The following EPHA3 variants were observed in gnomAD, a reference collection of about 807,000 sequenced individuals.
EPHA3 encodes the protein EPH receptor A3, also known as ephrin type-A receptor 3.
A neutral mutation model predicts 107.1 loss-of-function variants in EPHA3; 42 were observed. That is an observed-to-expected ratio of 0.39 (90% CI 0.31 to 0.51). The LOEUF (loss-of-function observed/expected upper bound fraction) is 0.51, where lower values mean the gene tolerates loss of function less well. Ranked by LOEUF, EPHA3 falls within the 20% of genes least tolerant of loss-of-function variation. The pLI is 0.78. For synonymous variants in EPHA3, 461 were observed against 424.8 expected, an observed-to-expected ratio of 1.09 and a Z score of -1.05; for missense variants, 1,183 against 1,211.2, an observed-to-expected ratio of 0.98 and a Z score of 0.35.
chr3:89,143,035 A>T (rs1398643302), intron 2 of EPHA3, among the ~76,000 whole-genome samples: 1 of 151,238 alleles, frequency 6.6e-6, no homozygotes, highest in African/African-American at 2.4e-5. Context: ...AATATTATTT[A>T]TAGAATATTC....
At chr3:89,271,847 G>T (rs371161686) in intron 3 of EPHA3, among the ~76,000 whole-genome samples, 2 of 151,766 alleles carry the variant, frequency 1.3e-5, no homozygotes, top group Non-Finnish European at 2.9e-5. Flanking sequence ...TGAACTTCAC[G>T]GTTTCACTTA....
intron 3 of EPHA3, among the ~76,000 whole-genome samples, chr3:89,317,976 T>TA (rs1330202744): frequency 2.6e-5 from 4 of 151,820 alleles, no homozygotes; most frequent in Non-Finnish European, 5.9e-5. Context: ...GGAATATATA[T>TA]AATATTGCAC....
intron 2 of EPHA3, among the ~76,000 whole-genome samples, chr3:89,209,099 A>C (rs1706199142): frequency 6.6e-6 from 1 of 152,198 alleles, no homozygotes; most frequent in Non-Finnish European, 1.5e-5. Context: ...AAAGGTTTTT[A>C]CAGTGATAAA....
At chr3:89,203,494 C>G (rs1434434570) in intron 2 of EPHA3, among the ~76,000 whole-genome samples, 2 of 152,034 alleles carry the variant, frequency 1.3e-5, no homozygotes, top group East Asian at 3.9e-4. Flanking sequence ...AAAGCTCCGG[C>G]TGGGCGCGGT....
chr3:89,237,818 A>G (rs1434592503), intron 3 of EPHA3, among the ~76,000 whole-genome samples: 1 of 152,078 alleles, frequency 6.6e-6, no homozygotes, highest in African/African-American at 2.4e-5. Flanking sequence ...ATAAAACAAA[A>G]TTTAAAAAAA....
chr3:89,199,813 T>C (rs1164594731), intron 2 of EPHA3, among the ~76,000 whole-genome samples: 3 of 152,216 alleles, frequency 2.0e-5, no homozygotes, highest in Non-Finnish European at 4.4e-5. Context: ...ACTGTCTACA[T>C]TACTGATTTT....
chr3:89,359,393 T>A (rs1013589655), intron 5 of EPHA3, among the ~76,000 whole-genome samples: 1 of 150,592 alleles, frequency 6.6e-6, no homozygotes, highest in African/African-American at 2.4e-5. Flanking sequence ...TTAAAATGAG[T>A]TTCAAAAAAG....
intron 1 of EPHA3, among the ~76,000 whole-genome samples, chr3:89,126,810 A>G (rs1704105733): frequency 6.6e-6 from 1 of 151,858 alleles, no homozygotes; most frequent in African/African-American, 2.4e-5. Flanking sequence ...CATATTTAAG[A>G]AATGAATTAA....
chr3:89,320,598 CT>C (rs58036688), intron 3 of EPHA3, among the ~76,000 whole-genome samples: 5 of 150,730 alleles, frequency 3.3e-5, no homozygotes, highest in East Asian at 2.0e-4. Flanking sequence ...ATCCCATGGA[CT>C]TTTTTTTTAA....
intron 3 of EPHA3, among the ~76,000 whole-genome samples, chr3:89,323,828 G>T (rs1707099500): frequency 1.3e-5 from 2 of 151,974 alleles, no homozygotes; most frequent in East Asian, 3.9e-4. Context: ...TGTATTTCTA[G>T]ATCACTTTGG....
At chr3:89,332,192 A>T (rs1488141838) in intron 3 of EPHA3, among the ~76,000 whole-genome samples, 1 of 152,204 alleles carries the variant, frequency 6.6e-6, no homozygotes, top group Non-Finnish European at 1.5e-5. Context: ...CTCTTAGGAC[A>T]TACAGTTCCT....
chr3:89,129,607 T>TTTG (rs1423589516), intron 2 of EPHA3, among the ~76,000 whole-genome samples: 1 of 151,508 alleles, frequency 6.6e-6, no homozygotes, highest in African/African-American at 2.4e-5. Flanking sequence ...AGATTGTTTT[T>TTTG]TTTTTTTTTT....
Position 89,399,710 on chromosome 3 carries a change from T to C in EPHA3, c.1594+230T>C, listed in dbSNP as rs1157976980. 3 of 1,230,876 alleles carry C rather than the reference T, an allele frequency of 2.4e-6. No individual in the cohort carries two copies. The Admixed American group carries it at 1.2e-4, about 50-fold the overall frequency. The allele number at this position is 1,230,876 out of a possible 1,614,324, so 76.2% of individuals were successfully genotyped here. ...TGTATGCAAATCAAACATATTCTAA[T>C]GCCTGAAATGCTTCTGTTTTTTTTT... On this transcript the variant is annotated intron_variant, in intron 7 of 16. Coordinates refer to ENST00000336596, the MANE Select transcript of EPHA3 (RefSeq NM_005233.6).
At position 89,409,590 on chromosome 3, in the gene EPHA3, C is replaced by A. The variant is rs1433869116; in HGVS notation, c.1762+1459C>A. ...TTTTTGTTGAAACTTTAATTTTTTT[C>A]AAATGCACAATATCCTTATGACAAA... On this transcript the variant is annotated intron_variant, in intron 9 of 16. Coordinates refer to ENST00000336596, the MANE Select transcript of EPHA3 (RefSeq NM_005233.6). Among the ~76,000 whole-genome samples, 3 of 151,890 alleles carry A rather than the reference C, an allele frequency of 2.0e-5. No homozygotes were observed. In the East Asian group the frequency reaches 5.8e-4, roughly 29 times the overall value.
intron 3 of EPHA3, among the ~76,000 whole-genome samples, chr3:89,318,134 C>G (rs1164738682): frequency 6.6e-6 from 1 of 151,770 alleles, no homozygotes; most frequent in Admixed American, 6.6e-5. Flanking sequence ...AACCTTGGAT[C>G]ATATGAATAT....
intron 5 of EPHA3, among the ~76,000 whole-genome samples, chr3:89,354,662 T>G (rs1707905183): frequency 6.6e-6 from 1 of 151,162 alleles, no homozygotes; most frequent in African/African-American, 2.4e-5. Context: ...AAGTTCATAT[T>G]TTCTGCTCCT....
intron 3 of EPHA3, among the ~76,000 whole-genome samples, chr3:89,246,295 C>T (rs1429283427): frequency 6.6e-6 from 1 of 152,148 alleles, no homozygotes; most frequent in Non-Finnish European, 1.5e-5. Flanking sequence ...CACTCAAAGG[C>T]TGAGAGAAAT....
At chr3:89,334,298 A>G (rs1160143084) in intron 3 of EPHA3, among the ~76,000 whole-genome samples, 1 of 152,124 alleles carries the variant, frequency 6.6e-6, no homozygotes, top group Non-Finnish European at 1.5e-5. Context: ...TTTCTTTTTC[A>G]AGTATATTTG....
rs187665210 is a variant in EPHA3 at position 89,131,490 on chromosome 3, G to A, written c.153+4217G>A. On this transcript the variant is annotated intron_variant, in intron 2 of 16. Coordinates refer to ENST00000336596, the MANE Select transcript of EPHA3 (RefSeq NM_005233.6). ...CTGATTGATAGTGTCTATCTACCAC[G>A]TAAACTTTCTTAGACTACATATCAC... Among the ~76,000 whole-genome samples, 49 of 152,206 alleles carry A rather than the reference G, an allele frequency of 3.2e-4. No individual in the cohort carries two copies. The East Asian group carries it at 7.2e-3, about 22-fold the overall frequency.
Sources: gnomAD v4.1 joint callset for allele counts (sites outside exome capture counted in the v4.1 genomes callset) on GRCh38, gnomAD v4.1.1 for gene constraint, MANE v1.5 for transcripts, NCBI Gene and HGNC (gene_info 2026-07-23, HGNC 2026-07-21) for gene names.